Variants in TET2 observed in about 807,000 individuals in gnomAD.
TET2 encodes tet methylcytosine dioxygenase 2.
A neutral mutation model predicts 142.9 loss-of-function variants in TET2; 299 were observed. The observed-to-expected ratio is 2.09, with a 90% CI of 1.90 to 2.30. The LOEUF (loss-of-function observed/expected upper bound fraction) is 2.30. TET2 is among the 30% of genes most tolerant of loss of function. The pLI is 0.00. For missense variants in TET2, 2,418 were observed against 2,378.0 expected (o/e 1.02, Z -0.35); for synonymous variants, 819 against 849.0 (o/e 0.96, Z 0.61).
Position 105,261,788 on chromosome 4 carries a change from C to A in TET2, c.3984C>A (p.Asn1328Lys). Residue 1328 changes from asparagine (N) to lysine (K), a missense_variant, in exon 8 of 11, where the codon AAC becomes AAA. Physicochemically the swap from Asn to Lys is moderately conservative, Grantham distance 94. Transcript: ENST00000380013. ...EEEKLESHLQ[N>K]LSTLMAPTYK... ...AGAAACTGGAGTCTCATTTGCAAAA[C>A]CTGTCCACTCTTATGGCACCAACAT... The A allele has an allele frequency of 6.5e-7, 1 of 1,549,226 alleles. No individual in the cohort carries two copies. Among genetic ancestry groups the A allele is most frequent in the Non-Finnish European group, 8.7e-7 (1 of 1,145,414 alleles).
chr4:105,259,252 G>T (rs1010419108), intron 6 of TET2, among the ~76,000 whole-genome samples: 1 of 152,072 alleles, frequency 6.6e-6, no homozygotes, highest in Non-Finnish European at 1.5e-5. Flanking sequence ...ATAAAAATAG[G>T]CAGAACTACT....
In TET2 at chr4:105,205,333, G is replaced by C. The variant is rs1034068770; in HGVS notation, c.-47+14828G>C. 2.0e-5 allele frequency among the ~76,000 whole-genome samples: 3 copies of C among 152,140 alleles called. No individual in the cohort carries two copies. In the South Asian group the frequency reaches 6.2e-4, roughly 32 times the overall value. ...TTCCTTAACTTCTTAATTTTAGCCT[G>C]TTTTCCAAGTTAATCATTTATCTGT... On this transcript the variant is annotated intron_variant, in intron 2 of 10. Coordinates refer to ENST00000380013, the MANE Select transcript of TET2 (RefSeq NM_001127208.3).
At chr4:105,173,375 A>AG in intron 1 of TET2, among the ~76,000 whole-genome samples, 1 of 151,280 alleles carries the variant, frequency 6.6e-6, no homozygotes, top group Non-Finnish European at 1.5e-5. Flanking sequence ...AAAAAAAAAA[A>AG]AAACAAAACT....
At chr4:105,214,541 G>A (rs1440527790) in intron 2 of TET2, among the ~76,000 whole-genome samples, 1 of 145,622 alleles carries the variant, frequency 6.9e-6, no homozygotes, top group East Asian at 2.0e-4. Flanking sequence ...CAGCTCCTGG[G>A]CTCAAGTGAT....
At chr4:105,213,680 C>T (rs1727302688) in intron 2 of TET2, among the ~76,000 whole-genome samples, 1 of 152,212 alleles carries the variant, frequency 6.6e-6, no homozygotes, top group Non-Finnish European at 1.5e-5. Flanking sequence ...AAAAGCCCTT[C>T]ATTTGGATGA....
In TET2 at chr4:105,276,287, G is replaced by A. The variant is rs1316795626; in HGVS notation, c.5777G>A (p.Arg1926His). 3.2e-6 allele frequency: 5 copies of A among 1,551,642 alleles called. No individual in the cohort carries two copies. The highest frequency in any genetic ancestry group is 2.0e-5 in the Admixed American group (1 of 51,000). The change falls in exon 11 of 11, where the codon CGT becomes CAT. Residue 1926 changes from arginine (R) to histidine (H), a missense_variant. By Grantham distance (29) the Arg-to-His change is conservative. Coordinates refer to ENST00000380013, the MANE Select transcript of TET2 (RefSeq NM_001127208.3). ...LWEAKMAEKA[R>H]EKEEECEKYG... The stretch of plus-strand genomic sequence containing the variant: ...GAAGCCAAAATGGCTGAAAAAGCCC[G>A]TGAGAAAGAGGAAGAGTGTGAAAAG...
chr4:105,276,801 T>G lies in TET2; in HGVS notation c.*282T>G. On this transcript the variant is annotated 3_prime_UTR_variant, in exon 11 of 11. Transcript: ENST00000380013. ...TTCCGCAATTTACATTTTTAAACACTGGTTCTATTATTGGACGAGATGATA... is the reference window on the plus strand; with the variant it reads ...TTCCGCAATTTACATTTTTAAACACGGGTTCTATTATTGGACGAGATGATA... The G allele has an allele frequency of 2.8e-6, 1 of 360,050 alleles. No homozygotes were observed. Among genetic ancestry groups the G allele is most frequent in the Non-Finnish European group, 5.1e-6 (1 of 195,950 alleles). The allele number at this position is 360,050 out of a possible 1,614,324, so 22.3% of individuals were successfully genotyped here. A position where few individuals can be genotyped will look rare whatever the true frequency, so the allele number is the denominator to read the frequency against.
At chr4:105,240,046 T>C (rs1729207106) in intron 3 of TET2, 1 of 238,324 alleles carries the variant, frequency 4.2e-6, no homozygotes, top group Non-Finnish European at 8.9e-6. Context: ...ATTTACCAGA[T>C]TATGGGTACG....
At chr4:105,160,185 T>G (rs972567853) in intron 1 of TET2, among the ~76,000 whole-genome samples, 7 of 152,178 alleles carry the variant, frequency 4.6e-5, no homozygotes, top group African/African-American at 1.7e-4. Flanking sequence ...TCTCTCAACC[T>G]TCTCTCATTT....
At chr4:105,231,701 C>T (rs1047223238) in intron 2 of TET2, among the ~76,000 whole-genome samples, 5 of 151,952 alleles carry the variant, frequency 3.3e-5, no homozygotes, top group African/African-American at 7.3e-5. Context: ...AGTTGTTTTT[C>T]GCCCAAAAAG....
chr4:105,265,323 A>G (rs1158210850), intron 8 of TET2, among the ~76,000 whole-genome samples: 1 of 152,226 alleles, frequency 6.6e-6, no homozygotes, highest in African/African-American at 2.4e-5. Context: ...CATGTGGATA[A>G]TGGTTACCAT....
chr4:105,276,019 G>A lies in TET2; in HGVS notation c.5509G>A (p.Ala1837Thr), dbSNP rs2110315423. ...GCCATTGGCACTAGTCCAGGGTGTG[G>A]CTTCTGGTGCAGAGGACAACGATGA... is the stretch of plus-strand genomic sequence containing the variant. ...KQPLALVQGV[A>T]SGAEDNDEVW... The change falls in exon 11 of 11, where the codon GCT becomes ACT. Residue 1837 changes from alanine (A) to threonine (T), a missense_variant. Physicochemically the swap from Ala to Thr is moderately conservative, Grantham distance 58. Transcript: ENST00000380013. The A allele has an allele frequency of 6.4e-7, 1 of 1,551,718 alleles. No homozygotes were observed. Among genetic ancestry groups the A allele is most frequent in the Non-Finnish European group, 8.7e-7 (1 of 1,146,994 alleles).
intron 8 of TET2, among the ~76,000 whole-genome samples, chr4:105,262,741 T>G (rs1488590810): frequency 6.6e-6 from 1 of 151,834 alleles, no homozygotes; most frequent in Middle Eastern, 3.2e-3. Flanking sequence ...ATTAGCTGGG[T>G]GTGGTGGCAG....
chr4:105,178,674 G>T (rs1158848734), intron 1 of TET2, among the ~76,000 whole-genome samples: 1 of 152,090 alleles, frequency 6.6e-6, no homozygotes, highest in Non-Finnish European at 1.5e-5. Context: ...GGGGACAGGG[G>T]TATATGGGAA....
chr4:105,265,817 A>G (rs973513188), intron 8 of TET2, among the ~76,000 whole-genome samples: 3 of 152,186 alleles, frequency 2.0e-5, no homozygotes, highest in African/African-American at 7.2e-5. Context: ...GTGGCACCAG[A>G]GAGAAAGGAA....
At chr4:105,177,710 A>C (rs1004860324) in intron 1 of TET2, 1 of 152,254 alleles carries the variant, frequency 6.6e-6, no homozygotes, top group African/African-American at 2.4e-5. Flanking sequence ...ACTTTGGAAG[A>C]CAGTTTGGCA....
At chr4:105,193,604 A>G (rs1725911622) in intron 2 of TET2, among the ~76,000 whole-genome samples, 1 of 152,178 alleles carries the variant, frequency 6.6e-6, no homozygotes, top group African/African-American at 2.4e-5. Flanking sequence ...TAGATTTTAT[A>G]TATTTTAAGG....
intron 1 of TET2, among the ~76,000 whole-genome samples, chr4:105,180,334 A>T (rs1388657260): frequency 1.3e-5 from 2 of 152,304 alleles, no homozygotes; most frequent in African/African-American, 4.8e-5. Flanking sequence ...TAGTCTAAAA[A>T]TACTTCCTCA....
chr4:105,259,602 G>T lies in TET2; in HGVS notation c.3804-17G>T, dbSNP rs901896031. On this transcript the variant is annotated splice_polypyrimidine_tract_variant and intron_variant, in intron 6 of 10. Coordinates refer to ENST00000380013, the MANE Select transcript of TET2 (RefSeq NM_001127208.3). The stretch of plus-strand genomic sequence containing the variant: ...AATGCTATCCATAGCAATGAATTTG[G>T]TCTTTTGATTTTTCAGGAGAACTTG... 3.2e-6 allele frequency: 5 copies of T among 1,549,644 alleles called. No homozygotes were observed. The African/African-American group carries it at 5.5e-5, about 17-fold the overall frequency.
Sources: gnomAD v4.1 joint callset for allele counts (sites outside exome capture counted in the v4.1 genomes callset) on GRCh38, gnomAD v4.1.1 for gene constraint, MANE v1.5 for transcripts, NCBI Gene and HGNC (gene_info 2026-07-23, HGNC 2026-07-21) for gene names.